The following DRC8 variants were observed in gnomAD, a reference collection of about 807,000 sequenced individuals.
DRC8 encodes dynein regulatory complex protein 8.
the DRC8 span, among the ~76,000 whole-genome samples, chr1:245,100,579 G>A: frequency 2.0e-5 from 3 of 151,820 alleles, no homozygotes; most frequent in Non-Finnish European, 4.4e-5. Flanking sequence ...TCAGGAGTTC[G>A]AGACCAGCCT....
chr1:245,108,397 T>A, the DRC8 span, among the ~76,000 whole-genome samples: 4 of 152,266 alleles, frequency 2.6e-5, no homozygotes, highest in Admixed American at 1.3e-4. Context: ...AAATTCTTCC[T>A]TGGATGAAAA....
At chr1:244,987,899 A>G in the DRC8 span, among the ~76,000 whole-genome samples, 1 of 151,384 alleles carries the variant, frequency 6.6e-6, no homozygotes, top group Non-Finnish European at 1.5e-5. Flanking sequence ...GTTAGAAAAA[A>G]CTCAGCTGCA....
the DRC8 span, among the ~76,000 whole-genome samples, chr1:245,092,657 TATATTTTTA>T: frequency 6.6e-6 from 1 of 152,210 alleles, no homozygotes; most frequent in South Asian, 2.1e-4. Context: ...CCAGGAAACT[TATATTTTTA>T]ATATTCTCAG....
the DRC8 span, among the ~76,000 whole-genome samples, chr1:244,972,090 C>T: frequency 6.6e-6 from 1 of 151,912 alleles, no homozygotes; most frequent in Non-Finnish European, 1.5e-5. Context: ...TACAGTATTT[C>T]TCGTTTTTTA....
the DRC8 span, among the ~76,000 whole-genome samples, chr1:245,043,629 A>T: frequency 6.6e-6 from 1 of 152,148 alleles, no homozygotes; most frequent in Admixed American, 6.6e-5. Flanking sequence ...TATTTTCAAG[A>T]GTAGTATTTG....
the DRC8 span, among the ~76,000 whole-genome samples, chr1:245,041,887 G>A: frequency 6.6e-6 from 1 of 152,144 alleles, no homozygotes; most frequent in Non-Finnish European, 1.5e-5. Context: ...GGCCCCAGAA[G>A]CAGCCGACCT....
the DRC8 span, among the ~76,000 whole-genome samples, chr1:245,076,700 T>C: frequency 9.9e-5 from 15 of 152,204 alleles, no homozygotes; most frequent in African/African-American, 3.6e-4. Context: ...TTTTTCTGCA[T>C]TTCTGCATCA....
chr1:245,008,032 C>G, the DRC8 span, among the ~76,000 whole-genome samples: 1 of 152,020 alleles, frequency 6.6e-6, no homozygotes, highest in South Asian at 2.1e-4. Flanking sequence ...AAAAATTAGC[C>G]AGGCATGGTG....
chr1:245,022,169 A>G, the DRC8 span, among the ~76,000 whole-genome samples: 1 of 148,388 alleles, frequency 6.7e-6, no homozygotes, highest in African/African-American at 2.5e-5. Context: ...TTTTTTCCAG[A>G]CAGTCTCACT....
At chr1:244,985,963 AT>A in the DRC8 span, among the ~76,000 whole-genome samples, 2 of 149,198 alleles carry the variant, frequency 1.3e-5, no homozygotes, top group South Asian at 2.1e-4. Context: ...TCTTTCTTTT[AT>A]TTTTTTTTCA....
the DRC8 span, among the ~76,000 whole-genome samples, chr1:245,042,968 C>T: frequency 6.6e-6 from 1 of 152,154 alleles, no homozygotes; most frequent in Admixed American, 6.5e-5. Flanking sequence ...GATGACACCA[C>T]GATTGGGCCA....
chr1:245,065,885 C>T, the DRC8 span, among the ~76,000 whole-genome samples: 1 of 151,780 alleles, frequency 6.6e-6, no homozygotes, highest in South Asian at 2.1e-4. Context: ...AGGTAAATCT[C>T]GAAACTCCTG....
the DRC8 span, among the ~76,000 whole-genome samples, chr1:245,105,824 C>T: frequency 0.023 from 3,510 of 152,212 alleles, 132 homozygotes; most frequent in East Asian, 0.14. Context: ...CGCCCATAAT[C>T]CCAACACTTT....
At chr1:244,977,125 G>A in the DRC8 span, among the ~76,000 whole-genome samples, 3 of 152,160 alleles carry the variant, frequency 2.0e-5, no homozygotes, top group African/African-American at 7.2e-5. Flanking sequence ...TGGTTGCCAG[G>A]GGCTGTGGGG....
chr1:245,081,449 T>C, the DRC8 span, among the ~76,000 whole-genome samples: 4 of 151,028 alleles, frequency 2.6e-5, no homozygotes, highest in Non-Finnish European at 5.9e-5. Context: ...GCGTGAGCCA[T>C]CGCACCCGGC....
At chr1:244,972,578 T>C in the DRC8 span, among the ~76,000 whole-genome samples, 106 of 152,296 alleles carry the variant, frequency 7.0e-4, no homozygotes, top group African/African-American at 2.4e-3. Flanking sequence ...CCCAGCACTT[T>C]GGGAGGCTGA....
the DRC8 span, among the ~76,000 whole-genome samples, chr1:244,972,783 C>T: frequency 6.6e-6 from 1 of 150,644 alleles, no homozygotes; most frequent in Non-Finnish European, 1.5e-5. Flanking sequence ...CACCACTGCA[C>T]TCCAGCCTGG....
At chr1:245,026,752 C>T in the DRC8 span, among the ~76,000 whole-genome samples, 2 of 152,086 alleles carry the variant, frequency 1.3e-5, no homozygotes, top group Non-Finnish European at 2.9e-5. Context: ...CAAAAAACAA[C>T]GTTGAATTTA....
the DRC8 span, among the ~76,000 whole-genome samples, chr1:245,101,436 T>C: frequency 6.6e-6 from 1 of 152,178 alleles, no homozygotes. Flanking sequence ...ACTTTACAGG[T>C]GTTGTATCCT....
Sources: gnomAD v4.1 joint callset for allele counts (sites outside exome capture counted in the v4.1 genomes callset) on GRCh38, gnomAD v4.1.1 for gene constraint, MANE v1.5 for transcripts, NCBI Gene and HGNC (gene_info 2026-07-23, HGNC 2026-07-21) for gene names.